The following RALGPS2 variants were observed in gnomAD, a reference collection of about 807,000 sequenced individuals.
The protein encoded by RALGPS2 is Ral GEF with PH domain and SH3 binding motif 2.
Under a neutral mutation model 86.8 loss-of-function variants are expected in RALGPS2, and 43 were observed. That is an observed-to-expected ratio of 0.50 (90% CI 0.39 to 0.64). The LOEUF (loss-of-function observed/expected upper bound fraction) is 0.64. RALGPS2 is among the 30% of genes least tolerant of loss of function. RALGPS2 has a pLI of 0.00. For missense variants in RALGPS2, 536 were observed against 694.6 expected (o/e 0.77, Z 2.57); for synonymous variants, 243 against 231.3 (o/e 1.05, Z -0.46).
intron 8 of RALGPS2, among the ~76,000 whole-genome samples, chr1:178,877,255 A>G (rs1302367936): frequency 6.6e-6 from 1 of 152,120 alleles, no homozygotes; most frequent in Non-Finnish European, 1.5e-5. Flanking sequence ...AAATGAAATC[A>G]CAAGAAGACA....
chr1:178,760,416 A>G (rs1349133199), intron 1 of RALGPS2, among the ~76,000 whole-genome samples: 1 of 152,158 alleles, frequency 6.6e-6, no homozygotes, highest in African/African-American at 2.4e-5. Context: ...GTTGAATTGA[A>G]TATTTTATCA....
chr1:178,894,269 A>G, intron 16 of RALGPS2: 1 of 301,254 alleles, frequency 3.3e-6, no homozygotes. Context: ...CATGTCTTCC[A>G]TTCACAAATA....
Position 178,740,664 on chromosome 1 carries a change from A to T in RALGPS2, c.-84+15245A>T, listed in dbSNP as rs536761969. Among the ~76,000 whole-genome samples, 14 of 152,316 alleles carry T rather than the reference A, an allele frequency of 9.2e-5. No homozygotes were observed. In the East Asian group the frequency reaches 2.7e-3, roughly 29 times the overall value. On this transcript the variant is annotated intron_variant, in intron 1 of 19. Coordinates refer to ENST00000367635, the MANE Select transcript of RALGPS2 (RefSeq NM_152663.5). ...GAAGTGCAAAATTCTGAGAGAAACC[A>T]TGTGGTTTGAGAGAGAGGTATGGAA...
intron 2 of RALGPS2, among the ~76,000 whole-genome samples, chr1:178,779,287 TTG>T (rs1653261891): frequency 6.6e-6 from 1 of 152,184 alleles, no homozygotes; most frequent in African/African-American, 2.4e-5. Context: ...ATTTTTTTCT[TTG>T]TGTATAAATC....
At chr1:178,809,828 C>G (rs1654893299) in intron 5 of RALGPS2, among the ~76,000 whole-genome samples, 1 of 152,108 alleles carries the variant, frequency 6.6e-6, no homozygotes, top group Admixed American at 6.5e-5. Context: ...TCCTGGAAGT[C>G]AGTGTCACTT....
At chr1:178,903,915 G>T (rs761275054) in intron 18 of RALGPS2, among the ~76,000 whole-genome samples, 7 of 152,118 alleles carry the variant, frequency 4.6e-5, no homozygotes, top group Non-Finnish European at 1.0e-4. Context: ...TAGTTCCTCA[G>T]GGAATCTCCA....
chr1:178,780,028 C>A (rs1375787526), intron 2 of RALGPS2, among the ~76,000 whole-genome samples: 1 of 152,212 alleles, frequency 6.6e-6, no homozygotes, highest in East Asian at 1.9e-4. Flanking sequence ...GCCACTGCAT[C>A]CGGCCAATGT....
chr1:178,746,983 C>G (rs770782908), intron 1 of RALGPS2: 8 of 962,308 alleles, frequency 8.3e-6, no homozygotes, highest in Admixed American at 1.7e-5. Context: ...TTCTTTCCAT[C>G]GTTTCTGTAT....
intron 2 of RALGPS2, among the ~76,000 whole-genome samples, chr1:178,779,537 C>A (rs1653277506): frequency 6.6e-6 from 1 of 152,250 alleles, no homozygotes; most frequent in South Asian, 2.1e-4. Context: ...TTATTTTTAT[C>A]TCTAGCCCTG....
intron 6 of RALGPS2, among the ~76,000 whole-genome samples, chr1:178,820,840 C>T (rs1004476620): frequency 6.6e-5 from 10 of 152,014 alleles, no homozygotes; most frequent in Non-Finnish European, 1.0e-4. Context: ...TTGTTTTCTT[C>T]GGGCTTTCAA....
rs144733398 is a variant in RALGPS2, at chr1:178,774,039, G to A, written c.-83-2643G>A. On this transcript the variant is annotated intron_variant, in intron 1 of 19. Coordinates refer to ENST00000367635, the MANE Select transcript of RALGPS2 (RefSeq NM_152663.5). ...GCAGATCACCTGAGGTTAAGAGTTC[G>A]AGACCAGCCTGGCCAACATGGTGAA... 6.0e-3 allele frequency among the ~76,000 whole-genome samples: 909 copies of A among 152,222 alleles called. 15 individuals are homozygous for A. Among genetic ancestry groups the A allele is most frequent in the African/African-American group, 0.021 (879 of 41,540 alleles).
chr1:178,882,472 TTATC>T (rs1431849839), intron 10 of RALGPS2, among the ~76,000 whole-genome samples: 7 of 152,232 alleles, frequency 4.6e-5, no homozygotes, highest in Non-Finnish European at 8.8e-5. Context: ...GGTTAATCAT[TTATC>T]TATTCAATAT....
At chr1:178,735,420 C>G (rs865952898) in intron 1 of RALGPS2, among the ~76,000 whole-genome samples, 1 of 145,660 alleles carries the variant, frequency 6.9e-6, no homozygotes, top group South Asian at 2.2e-4. Flanking sequence ...TCTATATTTT[C>G]TTTTTCTTTT....
chr1:178,884,694 C>CA (rs1659401324), intron 11 of RALGPS2, among the ~76,000 whole-genome samples: 1 of 152,098 alleles, frequency 6.6e-6, no homozygotes, highest in Non-Finnish European at 1.5e-5. Context: ...CATTCTTTAT[C>CA]TAAGAGGAAG....
intron 8 of RALGPS2, among the ~76,000 whole-genome samples, chr1:178,875,222 A>G (rs1209612516): frequency 1.3e-5 from 2 of 152,208 alleles, no homozygotes; most frequent in African/African-American, 4.8e-5. Context: ...TGCACTGGAG[A>G]CAGGATACCC....
intron 8 of RALGPS2, among the ~76,000 whole-genome samples, chr1:178,862,593 T>TTTTATTTATTTA (rs57690079): frequency 1.2e-3 from 175 of 140,756 alleles, no homozygotes; most frequent in East Asian, 3.8e-3. Context: ...GTTGCATTTT[T>TTTTATTTATTTA]TTTATTTATT....
In RALGPS2 at chr1:178,879,003, T is replaced by C; in HGVS notation, c.836+11T>C. ...AGACGATAATTACAAGTAGGTTGGATCTTCAAAAGTGGTTTGTATAACTTT... is the reference window on the plus strand; with the variant it reads ...AGACGATAATTACAAGTAGGTTGGACCTTCAAAAGTGGTTTGTATAACTTT... On this transcript the variant is annotated intron_variant, in intron 10 of 19. Transcript: ENST00000367635. The C allele has an allele frequency of 6.2e-7, 1 of 1,611,574 alleles. No homozygotes were observed. The highest frequency in any genetic ancestry group is 8.5e-7 in the Non-Finnish European group (1 of 1,179,012).
rs139246466 is a variant in RALGPS2 at position 178,856,190 on chromosome 1, C to CAGAGAG, written c.608-21300_608-21295dup. 1.9e-4 allele frequency among the ~76,000 whole-genome samples: 13 copies of CAGAGAG among 69,102 alleles called. 1 individual carries two copies. The highest frequency in any genetic ancestry group is 7.1e-4 in the African/African-American group (13 of 18,308). The allele number at this position is 69,102 out of a possible 152,430, so 45.3% of individuals were successfully genotyped here. ...GAGAACTGTGTTACCTGTACTTTTC[C>CAGAGAG]AGAGAGAGAGAGATATATATATATA... On this transcript the variant is annotated intron_variant, in intron 8 of 19. Transcript: ENST00000367635.
At chr1:178,905,379 T>C (rs1324179938) in intron 18 of RALGPS2, among the ~76,000 whole-genome samples, 3 of 152,160 alleles carry the variant, frequency 2.0e-5, no homozygotes, top group African/African-American at 7.2e-5. Flanking sequence ...ATACTAATGG[T>C]TTTTTGCGGG....
Sources: gnomAD v4.1 joint callset for allele counts (sites outside exome capture counted in the v4.1 genomes callset) on GRCh38, gnomAD v4.1.1 for gene constraint, MANE v1.5 for transcripts, NCBI Gene and HGNC (gene_info 2026-07-23, HGNC 2026-07-21) for gene names.